SCHIP1: variants seen among roughly 807,000 people sequenced by gnomAD.
The protein encoded by SCHIP1 is schwannomin-interacting protein 1.
Under a neutral mutation model 29.7 loss-of-function variants are expected in SCHIP1, and 8 were observed. That is an observed-to-expected ratio of 0.27 (90% confidence interval 0.16 to 0.49). The LOEUF is 0.49. SCHIP1 is among the 20% of genes least tolerant of loss of function. SCHIP1 has a pLI of 0.99. For synonymous variants in SCHIP1, 76 were observed against 94.9 expected, an observed-to-expected ratio of 0.80 and a Z score of 1.16; for missense variants, 193 against 294.6, an observed-to-expected ratio of 0.66 and a Z score of 2.52.
chr3:159,703,178 T>A, the SCHIP1 span, among the ~76,000 whole-genome samples: 1 of 152,110 alleles, frequency 6.6e-6, no homozygotes, highest in African/African-American at 2.4e-5. Context: ...GTAAGAAGGG[T>A]CAGTCACAAG....
the SCHIP1 span, among the ~76,000 whole-genome samples, chr3:159,335,706 G>T: frequency 6.6e-6 from 1 of 152,138 alleles, no homozygotes; most frequent in African/African-American, 2.4e-5. Flanking sequence ...GTATTCCATG[G>T]TGTATATGTG....
chr3:159,706,009 G>C, the SCHIP1 span, among the ~76,000 whole-genome samples: 5 of 152,208 alleles, frequency 3.3e-5, no homozygotes, highest in Admixed American at 1.3e-4. Context: ...CAGGCCTTAG[G>C]ATATGACTCT....
the SCHIP1 span, among the ~76,000 whole-genome samples, chr3:159,398,637 A>G: frequency 5.9e-5 from 9 of 152,168 alleles, no homozygotes; most frequent in Non-Finnish European, 5.9e-5. Flanking sequence ...ATAGAAATGC[A>G]GAAAAGTGAA....
At chr3:159,466,771 C>T in the SCHIP1 span, among the ~76,000 whole-genome samples, 1 of 152,078 alleles carries the variant, frequency 6.6e-6, no homozygotes, top group Admixed American at 6.6e-5. Flanking sequence ...GAGTGATGAG[C>T]ATTACAACTG....
At chr3:159,395,206 C>T in the SCHIP1 span, among the ~76,000 whole-genome samples, 33 of 151,792 alleles carry the variant, frequency 2.2e-4, no homozygotes, top group African/African-American at 7.2e-4. Flanking sequence ...TGATTCTTCT[C>T]TCTTTTTTTC....
At chr3:159,358,920 C>CTTTTTTT in the SCHIP1 span, among the ~76,000 whole-genome samples, 1 of 96,548 alleles carries the variant, frequency 1.0e-5, no homozygotes, top group Admixed American at 1.1e-4. Context: ...TATTAGCATC[C>CTTTTTTT]TTTTTTTTTT....
At chr3:159,871,371 G>C (rs186493515) in intron 2 of SCHIP1, among the ~76,000 whole-genome samples, 4 of 117,324 alleles carry the variant, frequency 3.4e-5, no homozygotes, top group Non-Finnish European at 7.1e-5. Flanking sequence ...GGGGGGGTGG[G>C]GGGGGGCTTA....
At chr3:159,710,955 G>A in the SCHIP1 span, among the ~76,000 whole-genome samples, 1 of 152,122 alleles carries the variant, frequency 6.6e-6, no homozygotes. Context: ...CAAAAAGCAA[G>A]CGTGACCTAT....
At chr3:159,534,290 G>A in the SCHIP1 span, among the ~76,000 whole-genome samples, 4 of 152,228 alleles carry the variant, frequency 2.6e-5, no homozygotes, top group African/African-American at 9.6e-5. Context: ...AGATGAACTA[G>A]GCAAATGTTT....
chr3:159,623,603 G>T, the SCHIP1 span, among the ~76,000 whole-genome samples: 96 of 152,282 alleles, frequency 6.3e-4, no homozygotes, highest in Admixed American at 2.0e-3. Flanking sequence ...TCCAACCTGG[G>T]TGACAGAGTG....
the SCHIP1 span, among the ~76,000 whole-genome samples, chr3:159,760,962 G>A: frequency 3.3e-5 from 5 of 152,202 alleles, no homozygotes; most frequent in Non-Finnish European, 4.4e-5. Flanking sequence ...TCACGGGCAC[G>A]TGCGAATGTC....
chr3:159,470,311 C>T, the SCHIP1 span, among the ~76,000 whole-genome samples: 4 of 151,810 alleles, frequency 2.6e-5, no homozygotes, highest in Non-Finnish European at 5.9e-5. Context: ...TAGTTTTATA[C>T]ATGGAGAAGA....
chr3:159,680,700 ATATAT>A, the SCHIP1 span, among the ~76,000 whole-genome samples: 30 of 19,864 alleles, frequency 1.5e-3, no homozygotes, highest in African/African-American at 2.0e-3. Flanking sequence ...TATATATAAT[ATATAT>A]TATATATAAT....
the SCHIP1 span, among the ~76,000 whole-genome samples, chr3:159,403,697 A>T: frequency 1.3e-5 from 2 of 152,176 alleles, no homozygotes; most frequent in Non-Finnish European, 2.9e-5. Flanking sequence ...GCCTTAAATA[A>T]ACTTGAAAGA....
chr3:159,571,475 G>A, the SCHIP1 span, among the ~76,000 whole-genome samples: 2 of 152,234 alleles, frequency 1.3e-5, no homozygotes, highest in Non-Finnish European at 2.9e-5. Flanking sequence ...TCCCAGGGAT[G>A]AAGTCCACTT....
chr3:159,779,167 TGCC>T, the SCHIP1 span, among the ~76,000 whole-genome samples: 1 of 152,108 alleles, frequency 6.6e-6, no homozygotes, highest in South Asian at 2.1e-4. Context: ...GTGGAACAAA[TGCC>T]ACTCAGGATG....
the SCHIP1 span, among the ~76,000 whole-genome samples, chr3:159,519,682 A>T: frequency 1.3e-5 from 2 of 152,234 alleles, no homozygotes; most frequent in South Asian, 4.1e-4. Flanking sequence ...AAGTAAAATT[A>T]TGAAAGCATT....
the SCHIP1 span, among the ~76,000 whole-genome samples, chr3:159,519,870 A>ATATAT: frequency 1.3e-5 from 2 of 148,170 alleles, no homozygotes; most frequent in African/African-American, 2.5e-5. Flanking sequence ...AGAAAAAAAA[A>ATATAT]ATATATATAT....
chr3:159,346,503 C>A, the SCHIP1 span, among the ~76,000 whole-genome samples: 5 of 151,796 alleles, frequency 3.3e-5, no homozygotes, highest in Admixed American at 2.6e-4. Flanking sequence ...TCTTGACATG[C>A]CTATTTTTAA....
Sources: allele counts gnomAD v4.1 joint callset (sites outside exome capture counted in the v4.1 genomes callset), GRCh38; gene constraint gnomAD v4.1.1; transcripts MANE v1.5; gene names NCBI Gene and HGNC (gene_info 2026-07-23, HGNC 2026-07-21).